The following CCDC57 variants were observed in gnomAD, a reference collection of about 807,000 sequenced individuals.
CCDC57 encodes coiled-coil domain-containing protein 57.
A neutral mutation model predicts 118.9 loss-of-function variants in CCDC57; 118 were observed. The observed-to-expected ratio is 0.99, with a 90% CI of 0.86 to 1.16. The LOEUF is 1.16. Among genes scored for constraint, CCDC57 ranks in the 50% most tolerant of loss-of-function variants. The pLI, the probability that CCDC57 is intolerant of heterozygous loss-of-function variation, is 0.00. For synonymous variants in CCDC57, 527 were observed against 532.9 expected, an observed-to-expected ratio of 0.99 and a Z score of 0.15; for missense variants, 1,300 against 1,320.7, an observed-to-expected ratio of 0.98 and a Z score of 0.24.
At chr17:82,193,605 GA>G in intron 7 of CCDC57, 150 bp downstream of exon 6, 1 of 635,134 alleles carries the variant, frequency 1.6e-6, no homozygotes, top group Non-Finnish European at 2.7e-6. Context: ...GGAAGAAAAA[GA>G]AGGAGAAAGA....
At chr17:82,211,332 T>C (rs2050170636) in intron 1 of CCDC57, among the ~76,000 whole-genome samples, 1 of 152,146 alleles carries the variant, frequency 6.6e-6, no homozygotes, top group Non-Finnish European at 1.5e-5. Context: ...GGACTCATCA[T>C]TGGATCCTGG....
chr17:82,144,203 G>A (rs1337160094), intron 16 of CCDC57, among the ~76,000 whole-genome samples: 1 of 152,084 alleles, frequency 6.6e-6, no homozygotes, highest in Non-Finnish European at 1.5e-5. Flanking sequence ...CCAGCTACTT[G>A]GGAGGCTAAG....
intron 19 of CCDC57, among the ~76,000 whole-genome samples, chr17:82,123,638 C>A (rs1385723339): frequency 6.6e-6 from 1 of 152,032 alleles, no homozygotes; most frequent in Non-Finnish European, 1.5e-5. Context: ...ACTAATATTT[C>A]CCTCTCAGAA....
intron 2 of CCDC57, among the ~76,000 whole-genome samples, chr17:82,205,564 C>G (rs1191379887): frequency 1.3e-5 from 2 of 152,200 alleles, no homozygotes. Context: ...TGTGCACGTG[C>G]TACTCCAGGT....
intron 2 of CCDC57, among the ~76,000 whole-genome samples, chr17:82,204,610 C>A (rs1031579161): frequency 6.6e-6 from 1 of 152,122 alleles, no homozygotes. Context: ...GGTGAAACCC[C>A]GTCTCTACTA....
Position 82,118,498 on chromosome 17 carries a change from CACACGTGGG to C in CCDC57, c.2899+9185_2899+9193del, listed in dbSNP as rs1273555529. Among the ~76,000 whole-genome samples, 1 of 152,158 alleles carries C rather than the reference CACACGTGGG, an allele frequency of 6.6e-6. No individual in the cohort carries two copies. Among genetic ancestry groups the C allele is most frequent in the Non-Finnish European group, 1.5e-5 (1 of 68,030 alleles). ...GGAACTTGCGGGGCTTAGCTGCCCA[CACACGTGGG>C]ACAGACTGTTGGGTGGCTGGTCCCT... On this transcript the variant is annotated intron_variant, in intron 19 of 19. Transcript: ENST00000665763. The surrounding 1 kb of genome is among the most constrained non-coding windows in gnomAD (Gnocchi z 4.7).
intron 19 of CCDC57, among the ~76,000 whole-genome samples, chr17:82,109,788 C>T (rs1310990371): frequency 6.6e-5 from 10 of 151,488 alleles, no homozygotes; most frequent in Admixed American, 5.3e-4. Flanking sequence ...ACCTGGGAGG[C>T]GGAGCTTGCA....
At chr17:82,168,729 C>T (rs866803142) in intron 13 of CCDC57, among the ~76,000 whole-genome samples, 1 of 142,390 alleles carries the variant, frequency 7.0e-6, no homozygotes, top group African/African-American at 2.6e-5. Flanking sequence ...AGGTAGACTT[C>T]AGAACAAAGA....
intron 2 of CCDC57, among the ~76,000 whole-genome samples, chr17:82,204,787 A>C (rs896739921): frequency 6.6e-6 from 1 of 151,368 alleles, no homozygotes; most frequent in Admixed American, 6.6e-5. Flanking sequence ...CATCTCAAGA[A>C]AAAAAAAAGG....
intron 2 of CCDC57, among the ~76,000 whole-genome samples, chr17:82,206,272 T>C (rs1003226475): frequency 3.3e-5 from 5 of 152,256 alleles, no homozygotes; most frequent in Non-Finnish European, 4.4e-5. Context: ...GGTGATGTTG[T>C]AGGTTTACCT....
At chr17:82,101,510 G>A (rs769210433), downstream of CCDC57, 3 of 588,336 alleles carry the variant, frequency 5.1e-6, no homozygotes, top group African/African-American at 5.8e-5. Context: ...CTGTGCTCAG[G>A]GAGGCCTTCA....
chr17:82,107,006 G>A (rs1598610292), intron 19 of CCDC57, among the ~76,000 whole-genome samples: 1 of 152,170 alleles, frequency 6.6e-6, no homozygotes, highest in African/African-American at 2.4e-5. Context: ...CCTGAGACCC[G>A]TGTCTCAGGG....
rs180677421 is a variant in CCDC57 at position 82,173,214 on chromosome 17, G to C, written c.1507-354C>G. ...GAGAATGTTCTGGAGAGGGTGGTGT[G>C]ATGGCTGCACCTCCGTGTGAATGCG... On this transcript the variant is annotated intron_variant, in intron 11 of 19. Transcript: ENST00000665763. Among the ~76,000 whole-genome samples, 785 of 152,258 alleles carry C rather than the reference G, an allele frequency of 5.2e-3. 3 individuals carry two copies. The highest frequency in any genetic ancestry group is 8.1e-3 in the Non-Finnish European group (549 of 68,024).
intron 15 of CCDC57, chr17:82,157,424 C>G (rs1421113112): frequency 6.1e-6 from 8 of 1,311,440 alleles, no homozygotes; most frequent in Non-Finnish European, 6.8e-6. Context: ...TGCATTAAAG[C>G]AAACATGAGC....
intron 16 of CCDC57, among the ~76,000 whole-genome samples, chr17:82,151,286 G>C (rs1221240116): frequency 1.4e-5 from 2 of 147,068 alleles, no homozygotes; most frequent in South Asian, 2.2e-4. Context: ...CCCAGAACCA[G>C]GCGCATACCC....
chr17:82,170,899 G>A (rs1012101113), intron 13 of CCDC57, among the ~76,000 whole-genome samples: 27 of 152,244 alleles, frequency 1.8e-4, no homozygotes, highest in Non-Finnish European at 2.8e-4. Flanking sequence ...GTGTTGGCGC[G>A]CATGCAGCAC....
chr17:82,124,208 T>C (rs922897820), intron 19 of CCDC57, among the ~76,000 whole-genome samples: 4 of 152,106 alleles, frequency 2.6e-5, no homozygotes, highest in Admixed American at 2.0e-4. Flanking sequence ...ACCTAATTCC[T>C]TGTTTCAGGA....
intron 8 of CCDC57, among the ~76,000 whole-genome samples, chr17:82,187,236 C>CAAAAAAAAAAAAAAAAA (rs61100137): frequency 1.6e-5 from 1 of 63,034 alleles, no homozygotes; most frequent in Non-Finnish European, 3.0e-5. Context: ...GACTCCATCT[C>CAAAAAAAAAAAAAAAAA]AAAAAAAAAA....
intron 2 of CCDC57, chr17:82,207,453 G>A (rs1260581629): frequency 6.6e-6 from 1 of 152,042 alleles, no homozygotes; most frequent in East Asian, 1.9e-4. Context: ...TAAAACCTAA[G>A]ATCAATCAGT....
Sources: allele counts gnomAD v4.1 joint callset (sites outside exome capture counted in the v4.1 genomes callset), GRCh38; gene constraint gnomAD v4.1.1; non-coding constraint Gnocchi (gnomAD v3.1); transcripts MANE v1.5; gene names NCBI Gene and HGNC (gene_info 2026-07-23, HGNC 2026-07-21).